Variants in NUP160 observed in about 807,000 individuals in gnomAD.
The protein encoded by NUP160 is nuclear pore complex protein Nup160.
A neutral mutation model predicts 196.9 loss-of-function variants in NUP160; 94 were observed. That is an observed-to-expected ratio of 0.48 (90% confidence interval 0.40 to 0.57). The LOEUF is 0.57. Among genes scored for constraint, NUP160 ranks in the 20% least tolerant of loss-of-function variants. The pLI is 0.00. For synonymous variants in NUP160, 605 were observed against 619.7 expected (o/e 0.98, Z 0.35); for missense variants, 1,638 against 1,748.3 (o/e 0.94, Z 1.13).
exon 16 of NUP160, chr11:47,812,312 T>G: frequency 6.2e-7 from 1 of 1,614,098 alleles, no homozygotes; most frequent in South Asian, 1.1e-5. Context: ...CTGGATTGAA[T>G]CCCTTTTCCA....
intron 4 of NUP160, among the ~76,000 whole-genome samples, chr11:47,838,559 T>C (rs1852226352): frequency 6.6e-6 from 1 of 151,772 alleles, no homozygotes; most frequent in African/African-American, 2.4e-5. Flanking sequence ...AATTCAAAAA[T>C]TAGCCAGGTG....
At chr11:47,832,800 G>A (rs1395512042) in intron 7 of NUP160, among the ~76,000 whole-genome samples, 1 of 152,208 alleles carries the variant, frequency 6.6e-6, no homozygotes, top group Non-Finnish European at 1.5e-5. Context: ...TCAGCTGTAT[G>A]TATTGGGCAC....
At chr11:47,828,342 A>C (rs1852011915) in intron 7 of NUP160, among the ~76,000 whole-genome samples, 1 of 152,242 alleles carries the variant, frequency 6.6e-6, no homozygotes, top group Non-Finnish European at 1.5e-5. Context: ...GAAATTAAGA[A>C]AATAATTTCG....
chr11:47,826,425 C>T (rs1299423684), intron 7 of NUP160, among the ~76,000 whole-genome samples: 1 of 152,176 alleles, frequency 6.6e-6, no homozygotes, highest in Non-Finnish European at 1.5e-5. Context: ...GAAGTAATAG[C>T]TCTGCTCAAT....
Position 47,806,038 on chromosome 11 carries a change from T to C in NUP160, c.2606+115A>G, listed in dbSNP as rs567056324. ...CATGTTGGCCAGGCTGGTCTCGAAC[T>C]TCTGGCCATAAGTGATAAACCTGCC... On this transcript the variant is annotated intron_variant, in intron 20 of 35. Coordinates refer to ENST00000378460, the Ensembl canonical transcript of NUP160. The C allele has an allele frequency of 2.8e-4, 260 of 930,526 alleles. 1 individual carries two copies. The highest frequency in any genetic ancestry group is 3.2e-5 in the Non-Finnish European group (19 of 598,876). The allele number at this position is 930,526 out of a possible 1,614,324, so 57.6% of individuals were successfully genotyped here.
At chr11:47,782,945 C>T in intron 34 of NUP160, 128 bp downstream of exon 34, 1 of 803,404 alleles carries the variant, frequency 1.2e-6, no homozygotes. Context: ...AGGCATGAGT[C>T]ACTGTGCCCG....
chr11:47,787,272 G>C (rs1434841437), intron 31 of NUP160, among the ~76,000 whole-genome samples: 1 of 151,876 alleles, frequency 6.6e-6, no homozygotes, highest in Non-Finnish European at 1.5e-5. Context: ...ATTTTTAGTA[G>C]AGATGGGGTT....
intron 2 of NUP160, among the ~76,000 whole-genome samples, chr11:47,845,638 G>C (rs1182512173): frequency 1.3e-5 from 2 of 152,112 alleles, no homozygotes; most frequent in African/African-American, 2.4e-5. Context: ...ACTTTGTTTT[G>C]TTCCCTGCTA....
chr11:47,830,062 AACAG>A (rs1852044375), intron 7 of NUP160, among the ~76,000 whole-genome samples: 1 of 152,344 alleles, frequency 6.6e-6, no homozygotes, highest in African/African-American at 2.4e-5. Flanking sequence ...AAAGGACATG[AACAG>A]ACACTTTTCA....
chr11:47,794,893 A>G lies in NUP160; in HGVS notation c.3290-1947T>C, dbSNP rs117702393. Reference sequence around the variant, plus strand: ...ATGCCACTGAACTCCAGCCTAGACGACAGAGCGGGACTCTGTCTCGAAAAC... The same window carrying G: ...ATGCCACTGAACTCCAGCCTAGACGGCAGAGCGGGACTCTGTCTCGAAAAC... On this transcript the variant is annotated intron_variant, in intron 27 of 35. Coordinates refer to ENST00000378460, the Ensembl canonical transcript of NUP160. Among the ~76,000 whole-genome samples the G allele has an allele frequency of 2.6e-4, 39 of 152,240 alleles. No homozygotes were observed. The East Asian group carries it at 7.3e-3, about 29-fold the overall frequency.
Position 47,804,629 on chromosome 11 carries a change from G to A in NUP160, c.2607-11C>T. The A allele has an allele frequency of 6.6e-7, 1 of 1,504,902 alleles. No individual in the cohort carries two copies. The highest frequency in any genetic ancestry group is 8.8e-7 in the Non-Finnish European group (1 of 1,133,138). The allele number at this position is 1,504,902 out of a possible 1,614,324, so 93.2% of individuals were successfully genotyped here. A position where few individuals can be genotyped will look rare whatever the true frequency, so the allele number is the denominator to read the frequency against. Reference sequence around the variant, plus strand: ...GGATTGCTAGGCCATCTAGTCATTGGTTAAGGATATTTCTTAATTTTTGTT... The same window carrying A: ...GGATTGCTAGGCCATCTAGTCATTGATTAAGGATATTTCTTAATTTTTGTT... On this transcript the variant is annotated splice_polypyrimidine_tract_variant and intron_variant, in intron 20 of 35. Coordinates refer to ENST00000378460, the Ensembl canonical transcript of NUP160.
At chr11:47,837,726 G>T in intron 4 of NUP160, 103 bp from the exon 5 acceptor site, 1 of 792,076 alleles carries the variant, frequency 1.3e-6, no homozygotes, top group Non-Finnish European at 2.2e-6. Context: ...ACAGACTTCC[G>T]TATTTCTGTA....
At chr11:47,836,754 C>G (rs1852183497) in intron 6 of NUP160, 133 bp downstream of exon 6, 5 of 560,640 alleles carry the variant, frequency 8.9e-6, no homozygotes, top group Non-Finnish European at 1.6e-5. Context: ...ATGAAACTGT[C>G]TGAATCTGGC....
At chr11:47,799,051 T>C (rs2135359523) in intron 23 of NUP160, among the ~76,000 whole-genome samples, 1 of 152,216 alleles carries the variant, frequency 6.6e-6, no homozygotes, top group Admixed American at 6.5e-5. Context: ...ACACCATAGT[T>C]TTATAAAAAC....
chr11:47,787,778 C>T (rs528018234), intron 31 of NUP160, among the ~76,000 whole-genome samples: 4 of 152,092 alleles, frequency 2.6e-5, no homozygotes, highest in Admixed American at 2.6e-4. Flanking sequence ...AGTGCAGTGG[C>T]GCGATCTCGG....
At chr11:47,789,167 G>A (rs150151956) in intron 29 of NUP160, among the ~76,000 whole-genome samples, 244 of 152,212 alleles carry the variant, frequency 1.6e-3, no homozygotes, top group African/African-American at 5.4e-3. Flanking sequence ...ATCAGCCACT[G>A]TGCCCAGCCT....
At position 47,785,197 on chromosome 11, in the gene NUP160, G is replaced by A; in HGVS notation, c.3849-134C>T. The A allele has an allele frequency of 4.9e-6, 2 of 407,958 alleles. 1 individual carries two copies. The highest frequency in any genetic ancestry group is 8.4e-5 in the East Asian group (2 of 23,768). 25.3% of individuals were successfully genotyped at this position (407,958 alleles called of 1,614,324 possible). A position where few individuals can be genotyped will look rare whatever the true frequency, so the allele number is the denominator to read the frequency against. On this transcript the variant is annotated intron_variant, in intron 32 of 35. Transcript: ENST00000378460. ...GCTCTGTCACCCAGGCTAGAGTGGA[G>A]TGGTGTGATCTCAGCTCACTGCAGC... is the stretch of plus-strand genomic sequence containing the variant.
chr11:47,795,207 A>G (rs1253465346), intron 27 of NUP160, among the ~76,000 whole-genome samples: 1 of 152,210 alleles, frequency 6.6e-6, no homozygotes, highest in African/African-American at 2.4e-5. Context: ...CAGAAATTAA[A>G]ATATCATTAA....
In NUP160 at chr11:47,823,592, T is replaced by C. The variant is rs914195569; in HGVS notation, c.1102-1428A>G. On this transcript the variant is annotated intron_variant, in intron 7 of 35. Transcript: ENST00000378460. ...CTCTATCGCCCAGGCTGGAGTGCAA[T>C]GGTGCGATCTCGGCTCACTGCAAGC... Among the ~76,000 whole-genome samples the C allele has an allele frequency of 3.3e-5, 5 of 152,094 alleles. No individual in the cohort carries two copies. In the South Asian group the frequency reaches 6.2e-4, roughly 19 times the overall value.
Sources: gnomAD v4.1 joint callset for allele counts (sites outside exome capture counted in the v4.1 genomes callset) on GRCh38, gnomAD v4.1.1 for gene constraint, MANE v1.5 for transcripts, NCBI Gene and HGNC (gene_info 2026-07-23, HGNC 2026-07-21) for gene names.